Variants in PRR5L observed in about 807,000 individuals in gnomAD.
PRR5L encodes proline-rich protein 5-like.
A neutral mutation model predicts 36.4 loss-of-function variants in PRR5L; 21 were observed. The observed-to-expected ratio is 0.58, with a 90% CI of 0.41 to 0.83. The LOEUF (loss-of-function observed/expected upper bound fraction) is 0.83, where lower values mean the gene tolerates loss of function less well. Among genes scored for constraint, PRR5L ranks in the 40% least tolerant of loss-of-function variants. The pLI, the probability that PRR5L is intolerant of heterozygous loss-of-function variation, is 0.00. For synonymous variants in PRR5L, 188 were observed against 197.0 expected, an observed-to-expected ratio of 0.95 and a Z score of 0.38; for missense variants, 381 against 473.3, an observed-to-expected ratio of 0.80 and a Z score of 1.81.
chr11:36,357,362 T>C lies in PRR5L; in HGVS notation c.-125-43635T>C, dbSNP rs552220907. ...GCTGCAGTAAGTTATATGGAAGATC[T>C]AGCTAAGATCATTGATGAAGGTGGC... On this transcript the variant is annotated intron_variant, in intron 1 of 8. Coordinates refer to ENST00000530639, the MANE Select transcript of PRR5L (RefSeq NM_001160167.2). 3.3e-5 allele frequency among the ~76,000 whole-genome samples: 5 copies of C among 152,364 alleles called. No individual in the cohort carries two copies. The East Asian group carries it at 9.6e-4, about 29-fold the overall frequency.
At chr11:36,411,443 C>T (rs1439605420) in intron 3 of PRR5L, among the ~76,000 whole-genome samples, 1 of 152,070 alleles carries the variant, frequency 6.6e-6, no homozygotes, top group Admixed American at 6.5e-5. Context: ...ATAATGTAGA[C>T]CAGTCAGTGC....
intron 1 of PRR5L, among the ~76,000 whole-genome samples, chr11:36,374,043 TTTCCTCCTTCCTTCC>T (rs1475536844): frequency 6.7e-6 from 1 of 148,486 alleles, no homozygotes; most frequent in Admixed American, 6.8e-5. Flanking sequence ...ATAATAATTT[TTTCCTCCTTCCTTCC>T]TTCCTTCCTT....
chr11:36,366,629 T>C (rs1192169174), intron 1 of PRR5L, among the ~76,000 whole-genome samples: 2 of 152,212 alleles, frequency 1.3e-5, no homozygotes, highest in African/African-American at 2.4e-5. Context: ...ATTAGTATTT[T>C]AGTTTATTCG....
intron 1 of PRR5L, among the ~76,000 whole-genome samples, chr11:36,397,477 A>ATG: frequency 2.0e-5 from 1 of 51,248 alleles, no homozygotes; most frequent in Middle Eastern, 0.02. Context: ...TTTTTTTGAG[A>ATG]GAGAAGCCTT....
intron 1 of PRR5L, among the ~76,000 whole-genome samples, chr11:36,350,922 A>ATATATATTTATATATTTATATATATT (rs1856925150): frequency 2.4e-5 from 1 of 41,984 alleles, no homozygotes; most frequent in Admixed American, 2.9e-4. Context: ...ATATATATTT[A>ATATATATTTATATATTTATATATATT]TATATATTTA....
chr11:36,383,695 CTTTTTTTTTTT>C (rs34900545), intron 1 of PRR5L, among the ~76,000 whole-genome samples: 1 of 109,258 alleles, frequency 9.2e-6, no homozygotes, highest in Non-Finnish European at 1.9e-5. Context: ...CTTTCTTTTC[CTTTTTTTTTTT>C]TTTTTTTGAG....
intron 1 of PRR5L, among the ~76,000 whole-genome samples, chr11:36,372,910 T>C (rs190261328): frequency 6.6e-6 from 1 of 152,302 alleles, no homozygotes; most frequent in Admixed American, 6.5e-5. Context: ...CCACAGCCAG[T>C]GTGCAGCTTT....
At chr11:36,321,620 T>C (rs1201304771) in intron 1 of PRR5L, 3 of 152,260 alleles carry the variant, frequency 2.0e-5, no homozygotes, top group Non-Finnish European at 2.9e-5. Context: ...GAAACAAAGA[T>C]TGGCAAAGGT....
chr11:36,442,584 C>T (rs1261209364), intron 6 of PRR5L, among the ~76,000 whole-genome samples: 1 of 152,184 alleles, frequency 6.6e-6, no homozygotes, highest in Non-Finnish European at 1.5e-5. Flanking sequence ...TTGTGATCCA[C>T]CCGCCTTGGC....
chr11:36,300,530 T>C (rs1164094467), intron 1 of PRR5L, among the ~76,000 whole-genome samples: 1 of 151,794 alleles, frequency 6.6e-6, no homozygotes, highest in Non-Finnish European at 1.5e-5. Context: ...TCAAACTATA[T>C]CAGCAATATT....
chr11:36,375,669 C>A (rs758528295), intron 1 of PRR5L, among the ~76,000 whole-genome samples: 5 of 152,082 alleles, frequency 3.3e-5, no homozygotes, highest in Non-Finnish European at 7.4e-5. Context: ...ATTCTTAACA[C>A]CTGCAAAAAA....
intron 6 of PRR5L, among the ~76,000 whole-genome samples, chr11:36,437,863 T>C (rs1858638129): frequency 6.6e-6 from 1 of 152,156 alleles, no homozygotes; most frequent in African/African-American, 2.4e-5. Context: ...TTGTGAAGCA[T>C]AATTTTAAAG....
At chr11:36,456,584 G>A (rs1021377998) in intron 8 of PRR5L, among the ~76,000 whole-genome samples, 1 of 152,226 alleles carries the variant, frequency 6.6e-6, no homozygotes, top group Non-Finnish European at 1.5e-5. Context: ...AGTTATTTGT[G>A]TATGTGGGTC....
chr11:36,365,584 A>G (rs1003499555), intron 1 of PRR5L, among the ~76,000 whole-genome samples: 7 of 152,190 alleles, frequency 4.6e-5, no homozygotes, highest in Admixed American at 2.0e-4. Flanking sequence ...TATTTTTCCA[A>G]AAGTTATTAG....
rs1434229207 is a variant in PRR5L, at chr11:36,377,375, C to G, written c.-125-23622C>G. 6.6e-6 allele frequency: 1 copy of G among 152,262 alleles called. No individual in the cohort carries two copies. The highest frequency in any genetic ancestry group is 3.2e-3 in the Middle Eastern group (1 of 314). 9.4% of individuals were successfully genotyped at this position (152,262 alleles called of 1,614,324 possible). On this transcript the variant is annotated intron_variant, in intron 1 of 8. Coordinates refer to ENST00000530639, the MANE Select transcript of PRR5L (RefSeq NM_001160167.2). This position sits in a 1 kb window ranked among gnomAD's most constrained non-coding sequence, Gnocchi z 5.1. ...CTGGGAGTCCGCAGTATCCCCCTTC[C>G]GTTTTATTTCTCCCGCCTGCCTTCC...
intron 1 of PRR5L, among the ~76,000 whole-genome samples, chr11:36,335,475 G>C (rs1476539893): frequency 6.6e-6 from 1 of 152,096 alleles, no homozygotes; most frequent in Non-Finnish European, 1.5e-5. Context: ...GAAAGTTACT[G>C]TACAGTTCAT....
intron 3 of PRR5L, among the ~76,000 whole-genome samples, chr11:36,410,264 G>A (rs1034156613): frequency 1.3e-5 from 2 of 152,146 alleles, no homozygotes; most frequent in East Asian, 1.9e-4. Flanking sequence ...CCAGGTTTCC[G>A]GCCTCTCTGG....
Position 36,401,117 on chromosome 11 carries a change from G to A in PRR5L, c.-5G>A. ...AGAGGTGAAGCTGAACTGTCACCAGGACTTATGACCCGCGGCTTCGCTCCC... is the reference window on the plus strand; with the variant it reads ...AGAGGTGAAGCTGAACTGTCACCAGAACTTATGACCCGCGGCTTCGCTCCC... On this transcript the variant is annotated 5_prime_UTR_variant, in exon 2 of 9. Coordinates refer to ENST00000530639, the MANE Select transcript of PRR5L (RefSeq NM_001160167.2). 12 of 1,614,020 alleles carry A rather than the reference G, an allele frequency of 7.4e-6. No homozygotes were observed. Among genetic ancestry groups the A allele is most frequent in the Non-Finnish European group, 1.0e-5 (12 of 1,179,954 alleles).
At chr11:36,367,070 T>G (rs931785140) in intron 1 of PRR5L, among the ~76,000 whole-genome samples, 2 of 152,246 alleles carry the variant, frequency 1.3e-5, no homozygotes, top group African/African-American at 4.8e-5. Context: ...TGATTTTATC[T>G]GTTTCTGAAG....
Sources: gnomAD v4.1 joint callset for allele counts (sites outside exome capture counted in the v4.1 genomes callset) on GRCh38, gnomAD v4.1.1 for gene constraint, Gnocchi (gnomAD v3.1) non-coding constraint, MANE v1.5 for transcripts, NCBI Gene and HGNC (gene_info 2026-07-23, HGNC 2026-07-21) for gene names.